Variants in MAN1A2 observed in about 807,000 individuals in gnomAD.
MAN1A2 encodes mannosyl-oligosaccharide 1,2-alpha-mannosidase IB.
A neutral mutation model predicts 75.7 loss-of-function variants in MAN1A2; 26 were observed. The ratio of observed to expected loss-of-function variants is 0.34; its 90% CI spans 0.25 to 0.48. The LOEUF (loss-of-function observed/expected upper bound fraction) is 0.48, where lower values mean the gene tolerates loss of function less well. Ranked by LOEUF, MAN1A2 falls within the 20% of genes least tolerant of loss-of-function variation. The pLI, the probability that MAN1A2 is intolerant of heterozygous loss-of-function variation, is 0.99. For synonymous variants in MAN1A2, 247 were observed against 264.6 expected (o/e 0.93, Z 0.65); for missense variants, 562 against 775.5 (o/e 0.72, Z 3.27).
chr1:117,527,722 C>G lies in MAN1A2; in HGVS notation c.*4765C>G, dbSNP rs1032677506. 6.6e-6 allele frequency: 1 copy of G among 152,004 alleles called. No homozygotes were observed. Among genetic ancestry groups the G allele is most frequent in the African/African-American group, 2.4e-5 (1 of 41,416 alleles). 9.4% of individuals were successfully genotyped at this position (152,004 alleles called of 1,614,324 possible). A position where few individuals can be genotyped will look rare whatever the true frequency, so the allele number is the denominator to read the frequency against. ...AAAATAATATACTCTCCAAGTTCTC[C>G]TGCTCATTGACCCTTGAACCAGGAT... On this transcript the variant is annotated 3_prime_UTR_variant, in exon 13 of 13. Transcript: ENST00000356554.
chr1:117,452,307 CA>C (rs35889322), intron 6 of MAN1A2, among the ~76,000 whole-genome samples: 71,450 of 142,400 alleles, frequency 0.5, 17,208 homozygotes, highest in South Asian at 0.59. Context: ...GACTCTGTCT[CA>C]AAAAAAAAAA....
At chr1:117,509,901 C>T (rs1651478073) in intron 12 of MAN1A2, among the ~76,000 whole-genome samples, 1 of 151,388 alleles carries the variant, frequency 6.6e-6, no homozygotes. Flanking sequence ...TTGATATAGC[C>T]TTCTGGAAAT....
chr1:117,466,971 T>C (rs1221499014), intron 8 of MAN1A2, among the ~76,000 whole-genome samples: 1 of 152,102 alleles, frequency 6.6e-6, no homozygotes. Flanking sequence ...GACACATAAA[T>C]GTTACTGTAC....
At chr1:117,388,531 C>CG (rs1177505851) in intron 1 of MAN1A2, among the ~76,000 whole-genome samples, 1 of 151,840 alleles carries the variant, frequency 6.6e-6, no homozygotes, top group Non-Finnish European at 1.5e-5. Flanking sequence ...AAGTGAAGGG[C>CG]GGGGGGAGTG....
At chr1:117,510,547 C>T (rs1268243221) in intron 12 of MAN1A2, among the ~76,000 whole-genome samples, 3 of 152,056 alleles carry the variant, frequency 2.0e-5, no homozygotes, top group Admixed American at 2.0e-4. Flanking sequence ...AATGGAATGA[C>T]AGTTTCAGTG....
intron 1 of MAN1A2, among the ~76,000 whole-genome samples, chr1:117,382,744 T>A (rs922832107): frequency 6.6e-6 from 1 of 152,188 alleles, no homozygotes; most frequent in Non-Finnish European, 1.5e-5. Flanking sequence ...TTGATGGGGA[T>A]GGCATTGAAT....
chr1:117,368,771 A>G (rs1427068752), intron 1 of MAN1A2, among the ~76,000 whole-genome samples: 2 of 152,100 alleles, frequency 1.3e-5, no homozygotes, highest in Non-Finnish European at 2.9e-5. Context: ...TCTAATGTGG[A>G]CATCTGGGAA....
intron 8 of MAN1A2, among the ~76,000 whole-genome samples, chr1:117,485,571 G>C (rs952704471): frequency 6.6e-6 from 1 of 151,734 alleles, no homozygotes; most frequent in African/African-American, 2.4e-5. Context: ...AGAGATTTTG[G>C]GTTCATAAAC....
chr1:117,385,687 A>G (rs937775856), intron 1 of MAN1A2, among the ~76,000 whole-genome samples: 1 of 152,222 alleles, frequency 6.6e-6, no homozygotes, highest in Non-Finnish European at 1.5e-5. Context: ...CAGGAGAGGA[A>G]TCCTGGATAC....
intron 5 of MAN1A2, among the ~76,000 whole-genome samples, chr1:117,433,894 C>T (rs1385215956): frequency 1.3e-5 from 2 of 152,148 alleles, no homozygotes; most frequent in Admixed American, 6.6e-5. Flanking sequence ...AATTTGCATA[C>T]TACCTGAGTA....
At chr1:117,374,492 T>C (rs1653078170) in intron 1 of MAN1A2, among the ~76,000 whole-genome samples, 1 of 152,126 alleles carries the variant, frequency 6.6e-6, no homozygotes, top group Admixed American at 6.5e-5. Context: ...TATTTTCAGA[T>C]TGGGTATTAG....
intron 1 of MAN1A2, among the ~76,000 whole-genome samples, chr1:117,386,712 G>T (rs1479855456): frequency 2.0e-5 from 1 of 49,534 alleles, no homozygotes; most frequent in Non-Finnish European, 4.1e-5. Context: ...CTTTGGCTCG[G>T]CTCAGTGGCT....
At chr1:117,495,895 C>T (rs1160456929) in intron 9 of MAN1A2, among the ~76,000 whole-genome samples, 1 of 151,878 alleles carries the variant, frequency 6.6e-6, no homozygotes, top group African/African-American at 2.4e-5. Context: ...TCTCATTCCC[C>T]AACATCAAAT....
At position 117,460,525 on chromosome 1, in the gene MAN1A2, T is replaced by G. The variant is rs1649784380; in HGVS notation, c.987T>G (p.Gly329=). The change falls in exon 7 of 13, where the codon GGT becomes GGG. Residue 329 remains glycine, a synonymous_variant. Transcript: ENST00000356554. ...VGRNWGWASA[G]SSILAEFGTL... ...GAAACTGGGGCTGGGCATCTGCAGG[T>G]AGCAGCATTCTGGCTGAATTTGGTA... The G allele has an allele frequency of 6.2e-7, 1 of 1,612,824 alleles. No individual in the cohort carries two copies. The highest frequency in any genetic ancestry group is 1.3e-5 in the African/African-American group (1 of 74,916).
At chr1:117,488,371 T>G (rs1650779793) in intron 8 of MAN1A2, among the ~76,000 whole-genome samples, 1 of 151,998 alleles carries the variant, frequency 6.6e-6, no homozygotes, top group Non-Finnish European at 1.5e-5. Flanking sequence ...AATTTTTGTA[T>G]TTTTAGTAGA....
intron 6 of MAN1A2, among the ~76,000 whole-genome samples, chr1:117,447,939 G>A (rs1038708365): frequency 3.3e-5 from 5 of 152,144 alleles, no homozygotes; most frequent in Non-Finnish European, 7.4e-5. Flanking sequence ...TTTTAAAATA[G>A]TTTTTTCTAA....
chr1:117,408,504 T>C lies in MAN1A2; in HGVS notation c.655+2859T>C, dbSNP rs116024744. On this transcript the variant is annotated intron_variant, in intron 3 of 12. Transcript: ENST00000356554. ...GTGTGTGTGTATTTATATGTAAATA[T>C]GTTCCTTTTGTTATTTCTGACTTAA... 7.9e-3 allele frequency among the ~76,000 whole-genome samples: 1,198 copies of C among 152,218 alleles called. 12 individuals carry two copies. The highest frequency in any genetic ancestry group is 0.027 in the African/African-American group (1,126 of 41,538).
chr1:117,448,308 C>T (rs988219867), intron 6 of MAN1A2, among the ~76,000 whole-genome samples: 1 of 152,002 alleles, frequency 6.6e-6, no homozygotes, highest in East Asian at 1.9e-4. Flanking sequence ...TTATAATATC[C>T]GTAATCCAAT....
chr1:117,488,249 T>C (rs1194920647), intron 8 of MAN1A2, among the ~76,000 whole-genome samples: 1 of 151,718 alleles, frequency 6.6e-6, no homozygotes, highest in Non-Finnish European at 1.5e-5. Flanking sequence ...TCTCACGTTA[T>C]TGCCCAGGCT....
Sources: allele counts gnomAD v4.1 joint callset (sites outside exome capture counted in the v4.1 genomes callset), GRCh38; gene constraint gnomAD v4.1.1; transcripts MANE v1.5; gene names NCBI Gene and HGNC (gene_info 2026-07-23, HGNC 2026-07-21).